Variants in SERHL2 observed in about 807,000 individuals in gnomAD.
The protein encoded by SERHL2 is serine hydrolase like 2.
SERHL2 carries 29 observed loss-of-function variants against 25.5 expected under a neutral mutation model. The ratio of observed to expected loss-of-function variants is 1.14; its 90% CI spans 0.85 to 1.55. The LOEUF (loss-of-function observed/expected upper bound fraction) is 1.55, where lower values mean the gene tolerates loss of function less well. Among genes scored for constraint, SERHL2 ranks in the 40% most tolerant of loss-of-function variants. The probability of loss-of-function intolerance (pLI) is 0.00; values close to 1 mark genes in which losing one functional copy is unlikely to be tolerated. For missense variants in SERHL2, 240 were observed against 252.3 expected (o/e 0.95, Z 0.33); for synonymous variants, 95 against 103.5 (o/e 0.92, Z 0.50).
chr22:42,567,295 T>C (rs1888847148), intron 9 of SERHL2, among the ~76,000 whole-genome samples: 1 of 151,996 alleles, frequency 6.6e-6, no homozygotes, highest in Admixed American at 6.5e-5. Flanking sequence ...CTTTGATCCG[T>C]GTGGGATTTG....
chr22:42,566,568 AC>A (rs66730048), intron 9 of SERHL2, among the ~76,000 whole-genome samples: 9 of 151,310 alleles, frequency 5.9e-5, no homozygotes, highest in East Asian at 1.9e-4. Context: ...GAAAAAAAAA[AC>A]AAAAGAAATT....
intron 5 of SERHL2, 111 bp from the exon 6 acceptor site, chr22:42,556,403 C>G: frequency 2.2e-6 from 2 of 899,658 alleles, no homozygotes; most frequent in Non-Finnish European, 3.4e-6. Context: ...TGGTCAGCAC[C>G]CTCCCCCCAG....
Position 42,553,962 on chromosome 22 carries a change from C to T in SERHL2, c.-59C>T, listed in dbSNP as rs576266190. ...GCCCGGAATTGCGGGCGTCACTCTGCTCCTGCGACCTAGCCAGGCGTGAGG... is the reference window on the plus strand; with the variant it reads ...GCCCGGAATTGCGGGCGTCACTCTGTTCCTGCGACCTAGCCAGGCGTGAGG... On this transcript the variant is annotated 5_prime_UTR_variant, in exon 1 of 12. Coordinates refer to ENST00000327678, the MANE Select transcript of SERHL2 (RefSeq NM_014509.5). 15 of 1,605,084 alleles carry T rather than the reference C, an allele frequency of 9.3e-6. No homozygotes were observed. The South Asian group carries it at 1.4e-4, about 15-fold the overall frequency.
At position 42,571,118 on chromosome 22, in the gene SERHL2, C is replaced by G; in HGVS notation, c.649-3C>G. 1.2e-6 allele frequency: 2 copies of G among 1,613,334 alleles called. No homozygotes were observed. The highest frequency in any genetic ancestry group is 1.7e-6 in the Non-Finnish European group (2 of 1,179,552). Reference sequence around the variant, plus strand: ...AGAATTCACCATGTTTTTGTCTCTGCAGGCAGAGAACAGCATTGACTTCAT... The same window carrying G: ...AGAATTCACCATGTTTTTGTCTCTGGAGGCAGAGAACAGCATTGACTTCAT... On this transcript the variant is annotated splice_region_variant and splice_polypyrimidine_tract_variant and intron_variant, in intron 9 of 11. Coordinates refer to ENST00000327678, the MANE Select transcript of SERHL2 (RefSeq NM_014509.5).
At chr22:42,562,327 A>G (rs1922787845) in intron 8 of SERHL2, among the ~76,000 whole-genome samples, 1 of 151,858 alleles carries the variant, frequency 6.6e-6, no homozygotes, top group Non-Finnish European at 1.5e-5. Context: ...TGATTCCTCC[A>G]GAATCTGGAG....
In SERHL2 at chr22:42,560,688, G is replaced by A. The variant is rs143911757; in HGVS notation, c.613+423G>A. ...TGTCTTGGTTTCAGAGCAGCTTCTG[G>A]CACAAGCGATTTGTGTACTTTGCTT... is the stretch of plus-strand genomic sequence containing the variant. On this transcript the variant is annotated intron_variant, in intron 8 of 11. Coordinates refer to ENST00000327678, the MANE Select transcript of SERHL2 (RefSeq NM_014509.5). 3.9e-5 allele frequency among the ~76,000 whole-genome samples: 6 copies of A among 152,024 alleles called. No individual in the cohort carries two copies. In the East Asian group the frequency reaches 1.2e-3, roughly 29 times the overall value.
chr22:42,566,376 G>A, intron 9 of SERHL2, 38 bp downstream of exon 9: 1 of 1,604,710 alleles, frequency 6.2e-7, no homozygotes. Flanking sequence ...GCCAAGGTTT[G>A]CCTGTTAGCG....
chr22:42,567,721 T>TTTTTTA (rs1556001031), intron 9 of SERHL2, among the ~76,000 whole-genome samples: 2 of 132,012 alleles, frequency 1.5e-5, no homozygotes, highest in African/African-American at 5.0e-5. Context: ...TTTCTTTAAT[T>TTTTTTA]TTATTATTAT....
intron 8 of SERHL2, among the ~76,000 whole-genome samples, chr22:42,562,103 G>A (rs1016190120): frequency 6.6e-6 from 1 of 151,876 alleles, no homozygotes; most frequent in South Asian, 2.1e-4. Flanking sequence ...TGGCTGGAAC[G>A]TTGTGTGCAG....
intron 8 of SERHL2, among the ~76,000 whole-genome samples, chr22:42,565,971 G>A (rs1267141633): frequency 1.3e-5 from 2 of 152,000 alleles, no homozygotes; most frequent in Admixed American, 6.6e-5. Flanking sequence ...CTTCTTCCTA[G>A]TGACTAAAGG....
intron 7 of SERHL2, among the ~76,000 whole-genome samples, chr22:42,559,065 A>ACACACACC (rs1211045445): frequency 1.2e-5 from 1 of 83,180 alleles, no homozygotes; most frequent in Non-Finnish European, 2.2e-5. Flanking sequence ...ACACACCCAC[A>ACACACACC]CACACACACC....
intron 8 of SERHL2, among the ~76,000 whole-genome samples, chr22:42,561,670 GGTGA>G (rs1922699049): frequency 6.6e-6 from 1 of 151,816 alleles, no homozygotes; most frequent in African/African-American, 2.4e-5. Flanking sequence ...GATCTGCTGA[GGTGA>G]GTATTTTTAG....
At chr22:42,565,851 G>C (rs1276971637) in intron 8 of SERHL2, among the ~76,000 whole-genome samples, 2 of 151,662 alleles carry the variant, frequency 1.3e-5, no homozygotes, top group Admixed American at 6.6e-5. Flanking sequence ...TGGTTTTTTA[G>C]TGGTTTTTGT....
intron 4 of SERHL2, 135 bp from the exon 5 acceptor site, chr22:42,555,929 G>A: frequency 3.1e-6 from 1 of 319,412 alleles, no homozygotes; most frequent in South Asian, 3.0e-5. Context: ...TGATGAAGGG[G>A]ACATCATGGC....
In SERHL2 at chr22:42,566,295, C is replaced by T. The variant is rs761879869; in HGVS notation, c.614-9C>T. On this transcript the variant is annotated splice_polypyrimidine_tract_variant and intron_variant, in intron 8 of 11. Coordinates refer to ENST00000327678, the MANE Select transcript of SERHL2 (RefSeq NM_014509.5). ...ATTGACGCTGCTGTCTTTGTGCTTC[C>T]GCCTCCAGGTCTGGTTCTGAACAGA... 16 of 1,611,296 alleles carry T rather than the reference C, an allele frequency of 9.9e-6. No homozygotes were observed. In the Middle Eastern group the frequency reaches 4.9e-4, roughly 50 times the overall value.
Position 42,573,990 on chromosome 22 carries a change from C to T in SERHL2, c.880C>T (p.Gln294Ter), listed in dbSNP as rs766300356. 98 of 1,611,310 alleles carry T rather than the reference C, an allele frequency of 6.1e-5. No individual in the cohort carries two copies. Among genetic ancestry groups the T allele is most frequent in the Non-Finnish European group, 7.9e-5 (93 of 1,177,986 alleles). The change falls in exon 12 of 12, where the codon CAG becomes TAG. Residue 294 changes from glutamine to a stop codon, truncating the protein, a stop_gained. Transcript: ENST00000327678. LOFTEE classifies it low-confidence loss of function (END_TRUNC). ...TCACTGTGTCCACATGAGCGAACCC[C>T]AGCACGTGGCCAGTATCATCAGCTC... ...GNHCVHMSEP[Q>*]HVASIISSFL...
At chr22:42,566,218 C>A in intron 8 of SERHL2, 86 bp from the exon 9 acceptor site, 1 of 1,375,078 alleles carries the variant, frequency 7.3e-7, no homozygotes, top group Non-Finnish European at 1.0e-6. Flanking sequence ...GCTGCAAAGG[C>A]CTGGAGGGTT....
chr22:42,570,797 A>C (rs185836707), intron 9 of SERHL2, among the ~76,000 whole-genome samples: 2 of 152,182 alleles, frequency 1.3e-5, no homozygotes, highest in Admixed American at 1.3e-4. Context: ...CCTAAAATCC[A>C]GGCCCAGAAG....
chr22:42,568,270 G>A (rs1011170595), intron 9 of SERHL2, among the ~76,000 whole-genome samples: 2 of 151,784 alleles, frequency 1.3e-5, no homozygotes, highest in African/African-American at 2.4e-5. Context: ...CTATCCTCCC[G>A]CCTCAGTTTC....
Sources: gnomAD v4.1 joint callset for allele counts (sites outside exome capture counted in the v4.1 genomes callset) on GRCh38, gnomAD v4.1.1 for gene constraint, MANE v1.5 for transcripts, NCBI Gene and HGNC (gene_info 2026-07-23, HGNC 2026-07-21) for gene names.